NFATC1: variants seen among roughly 807,000 people sequenced by gnomAD.
The protein encoded by NFATC1 is nuclear factor of activated T cells 1.
A neutral mutation model predicts 76.0 loss-of-function variants in NFATC1; 22 were observed. That is an observed-to-expected ratio of 0.29 (90% confidence interval 0.21 to 0.41). The LOEUF (loss-of-function observed/expected upper bound fraction) is 0.41, where lower values mean the gene tolerates loss of function less well. NFATC1 is among the 10% of genes least tolerant of loss of function. The pLI, the probability that NFATC1 is intolerant of heterozygous loss-of-function variation, is 1.00. For synonymous variants in NFATC1, 704 were observed against 613.1 expected, an observed-to-expected ratio of 1.15 and a Z score of -2.19; for missense variants, 1,357 against 1,337.7, an observed-to-expected ratio of 1.01 and a Z score of -0.23.
Position 79,433,678 on chromosome 18 carries a change from C to G in NFATC1, c.1326C>G (p.Tyr442Ter). Reference protein sequence around the residue: ...VQPKSHHRAHYETEGSRGAVK... With the variant: ...VQPKSHHRAH ...CCAAGTCCCACCACCGAGCCCACTA[C>G]GAGACGGAGGGCAGCCGGGGGGCCG... The change falls in exon 3 of 10, where the codon TAC (tyrosine) becomes TAG (stop). Residue 442 changes from tyrosine to a stop codon, truncating the protein, a stop_gained. Transcript: ENST00000427363. LOFTEE classifies it high-confidence loss of function. 1 of 1,608,414 alleles carries G rather than the reference C, an allele frequency of 6.2e-7. No individual in the cohort carries two copies. The highest frequency in any genetic ancestry group is 8.5e-7 in the Non-Finnish European group (1 of 1,177,096).
chr18:79,463,152 G>A (rs116523282), intron 7 of NFATC1, among the ~76,000 whole-genome samples: 1,686 of 152,346 alleles, frequency 0.011, 29 homozygotes, highest in African/African-American at 0.037. Flanking sequence ...CCCTGGCCCT[G>A]GGTGAAGTGA....
At chr18:79,460,323 T>C (rs1288695694) in intron 6 of NFATC1, among the ~76,000 whole-genome samples, 3 of 152,270 alleles carry the variant, frequency 2.0e-5, no homozygotes, top group African/African-American at 4.8e-5. Flanking sequence ...TACCTGTAAC[T>C]GTTCATTTTG....
chr18:79,425,239 CTG>C (rs1421826820), intron 2 of NFATC1, among the ~76,000 whole-genome samples: 1 of 151,540 alleles, frequency 6.6e-6, no homozygotes, highest in Non-Finnish European at 1.5e-5. Flanking sequence ...CTCCCTGTCT[CTG>C]TCTCTCTGTT....
At position 79,527,925 on chromosome 18, in the gene NFATC1, G is replaced by A. The variant is rs1390904621; in HGVS notation, c.*348G>A. ...TCTGGCACCCCTGGGGTTCAATACT[G>A]GAAGTGCCTTATTTAACCAGACCAT... On this transcript the variant is annotated 3_prime_UTR_variant, in exon 10 of 10. Coordinates refer to ENST00000427363, the MANE Select transcript of NFATC1 (RefSeq NM_001278669.2). The A allele has an allele frequency of 6.9e-6, 3 of 435,490 alleles. No homozygotes were observed. Among genetic ancestry groups the A allele is most frequent in the African/African-American group, 5.9e-5 (3 of 50,770 alleles). 27.0% of individuals were successfully genotyped at this position (435,490 alleles called of 1,614,324 possible).
intron 9 of NFATC1, among the ~76,000 whole-genome samples, chr18:79,507,292 A>G (rs1213772672): frequency 6.6e-6 from 1 of 152,230 alleles, no homozygotes; most frequent in East Asian, 1.9e-4. Context: ...CCGAGGCTGC[A>G]CTCAGAGCTG....
At chr18:79,444,061 G>A (rs1035940361) in intron 3 of NFATC1, among the ~76,000 whole-genome samples, 6 of 152,218 alleles carry the variant, frequency 3.9e-5, no homozygotes, top group African/African-American at 1.4e-4. Context: ...CATGCACTCT[G>A]GGTCTGTCAG....
chr18:79,461,419 G>GTTGGGGT, intron 7 of NFATC1, 53 bp downstream of exon 7: 1 of 1,594,240 alleles, frequency 6.3e-7, no homozygotes, highest in Non-Finnish European at 8.6e-7. Context: ...GGCTTGGGAG[G>GTTGGGGT]CTGGGGTCTG....
At chr18:79,443,800 A>G (rs968989308) in intron 3 of NFATC1, among the ~76,000 whole-genome samples, 7 of 152,200 alleles carry the variant, frequency 4.6e-5, no homozygotes, top group Non-Finnish European at 8.8e-5. Context: ...CCCCTTCCCC[A>G]GGCTGCCCAG....
chr18:79,453,950 C>G (rs1028376822), intron 6 of NFATC1, among the ~76,000 whole-genome samples: 2 of 152,234 alleles, frequency 1.3e-5, no homozygotes, highest in African/African-American at 2.4e-5. Flanking sequence ...CAGGTTGGTG[C>G]AGCAGAAAGC....
At position 79,433,628 on chromosome 18, in the gene NFATC1, T is replaced by C. The variant is rs1246478854; in HGVS notation, c.1276T>C (p.Tyr426His). Reference sequence around the variant, plus strand: ...GCAGCTGCCGTCCCACTCAGGCCCGTATGAGCTTCGGATTGAGGTGCAGCC... The same window carrying C: ...GCAGCTGCCGTCCCACTCAGGCCCGCATGAGCTTCGGATTGAGGTGCAGCC... ...DWQLPSHSGPYELRIEVQPKS... is the reference protein window; with the variant it reads ...DWQLPSHSGPHELRIEVQPKS... Residue 426 changes from tyrosine (Y) to histidine (H), a missense_variant, in exon 3 of 10, where the codon TAT becomes CAT. Tyr to His is a moderately conservative substitution (Grantham distance 83). Coordinates refer to ENST00000427363, the MANE Select transcript of NFATC1 (RefSeq NM_001278669.2). 1.2e-6 allele frequency: 2 copies of C among 1,612,932 alleles called. No homozygotes were observed. Among genetic ancestry groups the C allele is most frequent in the Non-Finnish European group, 1.7e-6 (2 of 1,179,888 alleles).
intron 1 of NFATC1, among the ~76,000 whole-genome samples, chr18:79,406,936 G>A (rs1033895434): frequency 2.0e-5 from 3 of 152,234 alleles, no homozygotes; most frequent in Non-Finnish European, 4.4e-5. Context: ...CGTGTGGGGC[G>A]TGGGGCACAG....
intron 8 of NFATC1, chr18:79,469,433 G>T (rs2088682877): frequency 3.0e-6 from 3 of 985,430 alleles, no homozygotes; most frequent in Non-Finnish European, 3.6e-6. Context: ...ACAGGTGGGA[G>T]GTGGCGGCCC....
At chr18:79,458,481 G>T (rs896559813) in intron 6 of NFATC1, among the ~76,000 whole-genome samples, 19 of 152,074 alleles carry the variant, frequency 1.2e-4, no homozygotes, top group Non-Finnish European at 2.5e-4. Flanking sequence ...GCCCGGCTCC[G>T]GGCGGCGGGT....
intron 7 of NFATC1, among the ~76,000 whole-genome samples, chr18:79,464,696 T>G (rs8089886): frequency 2.0e-5 from 2 of 100,340 alleles, no homozygotes; most frequent in East Asian, 2.9e-4. Context: ...ATATATATAT[T>G]TATTTATTTA....
chr18:79,475,078 TCA>T (rs202226130), intron 8 of NFATC1, among the ~76,000 whole-genome samples: 7 of 114,986 alleles, frequency 6.1e-5, no homozygotes, highest in African/African-American at 1.8e-4. Context: ...AAGTGTGTTC[TCA>T]CACTCACTCG....
At chr18:79,461,254 G>A in intron 6 of NFATC1, 57 bp from the exon 7 acceptor site, 2 of 1,599,780 alleles carry the variant, frequency 1.3e-6, no homozygotes, top group East Asian at 2.2e-5. Context: ...GGGGGTGTCT[G>A]GGGAGGGGGC....
chr18:79,486,409 C>G lies in NFATC1; in HGVS notation c.2254C>G (p.Pro752Ala). The G allele has an allele frequency of 6.2e-7, 1 of 1,612,716 alleles. No individual in the cohort carries two copies. The highest frequency in any genetic ancestry group is 8.5e-7 in the Non-Finnish European group (1 of 1,179,948). ...SCLVAGFPPC[P>A]QRSTLMPAAP... ...CCTCGTGGCCGGCTTCCCGCCCTGT[C>G]CGCAGAGAAGCACCCTGATGCCAGC... Residue 752 changes from proline to alanine, a missense_variant, in exon 9 of 10, where the codon CCG becomes GCG. Pro to Ala is a conservative substitution (Grantham distance 27). Coordinates refer to ENST00000427363, the MANE Select transcript of NFATC1 (RefSeq NM_001278669.2).
At chr18:79,399,259 G>A (rs1269756950) in intron 1 of NFATC1, among the ~76,000 whole-genome samples, 1 of 152,256 alleles carries the variant, frequency 6.6e-6, no homozygotes, top group East Asian at 1.9e-4. Flanking sequence ...CTTATCACTG[G>A]AGAAAACCAG....
At chr18:79,403,644 C>A (rs2085339676) in intron 1 of NFATC1, among the ~76,000 whole-genome samples, 2 of 152,280 alleles carry the variant, frequency 1.3e-5, no homozygotes, top group Non-Finnish European at 2.9e-5. Flanking sequence ...GCCTCTCTGG[C>A]AGTCGGGGCC....
Sources: allele counts gnomAD v4.1 joint callset (sites outside exome capture counted in the v4.1 genomes callset), GRCh38; gene constraint gnomAD v4.1.1; transcripts MANE v1.5; gene names NCBI Gene and HGNC (gene_info 2026-07-23, HGNC 2026-07-21).